TOP1: variants seen among roughly 807,000 people sequenced by gnomAD.
TOP1 encodes DNA topoisomerase I, also known as DNA topoisomerase 1.
A neutral mutation model predicts 111.1 loss-of-function variants in TOP1; 10 were observed. That is an observed-to-expected ratio of 0.09 (90% CI 0.06 to 0.15). TOP1 has a LOEUF of 0.15. TOP1 is among the 10% of genes least tolerant of loss of function. The pLI, the probability that TOP1 is intolerant of heterozygous loss-of-function variation, is 1.00. For synonymous variants in TOP1, 271 were observed against 302.9 expected (o/e 0.89, Z 1.10); for missense variants, 474 against 926.7 (o/e 0.51, Z 6.34).
intron 13 of TOP1, among the ~76,000 whole-genome samples, chr20:41,105,975 TCCC>T (rs2034139466): frequency 2.7e-5 from 2 of 72,750 alleles, no homozygotes; most frequent in South Asian, 5.4e-4. Context: ...CTCCCTCCCC[TCCC>T]ACCCCCACCC....
chr20:41,036,519 G>C (rs922847730), intron 2 of TOP1, among the ~76,000 whole-genome samples: 1 of 152,200 alleles, frequency 6.6e-6, no homozygotes, highest in Non-Finnish European at 1.5e-5. Flanking sequence ...TGTCCTCATT[G>C]TAAAATGTAA....
intron 11 of TOP1, among the ~76,000 whole-genome samples, chr20:41,099,420 C>A (rs565915233): frequency 6.6e-6 from 1 of 152,292 alleles, no homozygotes; most frequent in South Asian, 2.1e-4. Flanking sequence ...GCCAAGGACA[C>A]CTGCTGCCAG....
In TOP1 at chr20:41,098,198, C is replaced by A. The variant is rs556910157; in HGVS notation, c.853-17C>A. 38 of 1,613,190 alleles carry A rather than the reference C, an allele frequency of 2.4e-5. No individual in the cohort carries two copies. The East Asian group carries it at 7.8e-4, about 33-fold the overall frequency. ...TTTCGTTGTTTTTCTTTCATCTCCCCATTTTCTTTTGACTAGGAAATGACT... is the reference window on the plus strand; with the variant it reads ...TTTCGTTGTTTTTCTTTCATCTCCCAATTTTCTTTTGACTAGGAAATGACT... On this transcript the variant is annotated splice_polypyrimidine_tract_variant and intron_variant, in intron 10 of 20. Coordinates refer to ENST00000361337, the MANE Select transcript of TOP1 (RefSeq NM_003286.4). The surrounding 1 kb of genome is among the most constrained non-coding windows in gnomAD (Gnocchi z 5.7).
intron 2 of TOP1, among the ~76,000 whole-genome samples, chr20:41,045,522 T>C (rs2033323173): frequency 6.6e-6 from 1 of 152,182 alleles, no homozygotes; most frequent in South Asian, 2.1e-4. Context: ...ATGAAGTAAG[T>C]TCTCATTTTA....
chr20:41,094,846 G>GT lies in TOP1; in HGVS notation c.730+2262dup, dbSNP rs1164400756. Among the ~76,000 whole-genome samples the GT allele has an allele frequency of 6.8e-6, 1 of 146,816 alleles. No individual in the cohort carries two copies. Among genetic ancestry groups the GT allele is most frequent in the Non-Finnish European group, 1.5e-5 (1 of 65,368 alleles). The stretch of plus-strand genomic sequence containing the variant: ...TTCAGTTTACAGCTTTGATTCAGCA[G>GT]TTTCCTTTTCCTGGAGCTCAGCCTT... On this transcript the variant is annotated intron_variant, in intron 9 of 20. Transcript: ENST00000361337. The surrounding 1 kb of genome is among the most constrained non-coding windows in gnomAD (Gnocchi z 4.4).
rs76942734 is a variant in TOP1, at chr20:41,122,459, CT to C, written c.2195+306del. On this transcript the variant is annotated intron_variant, in intron 20 of 20. Coordinates refer to ENST00000361337, the MANE Select transcript of TOP1 (RefSeq NM_003286.4). This position sits in a 1 kb window ranked among gnomAD's most constrained non-coding sequence, Gnocchi z 5.4. Reference sequence around the variant, plus strand: ...TTAGGACAGGAATGGAAACTCTTAGCTTCTGGAAGAATAGGAAAGAGCCCAT... The same window carrying C: ...TTAGGACAGGAATGGAAACTCTTAGCTCTGGAAGAATAGGAAAGAGCCCAT... 0.047 allele frequency among the ~76,000 whole-genome samples: 7,167 copies of C among 152,260 alleles called. 718 individuals carry two copies. The highest frequency in any genetic ancestry group is 0.46 in the East Asian group (2,368 of 5,172).
rs1012644652 is a variant in TOP1 at position 41,040,669 on chromosome 20, G to C, written c.58+11214G>C. 2.6e-5 allele frequency among the ~76,000 whole-genome samples: 4 copies of C among 152,086 alleles called. No individual in the cohort carries two copies. The East Asian group carries it at 5.8e-4, about 22-fold the overall frequency. On this transcript the variant is annotated intron_variant, in intron 2 of 20. Transcript: ENST00000361337. ...AAAATACAAAAGATTAGCTGGGCCT[G>C]GTGGCGCATGCCTGTAGTCCTAGAT...
intron 13 of TOP1, among the ~76,000 whole-genome samples, chr20:41,105,544 C>T (rs2034132261): frequency 1.3e-5 from 2 of 152,232 alleles, no homozygotes; most frequent in Admixed American, 6.5e-5. Flanking sequence ...GTCACCCAGG[C>T]TGGAGTACAG....
chr20:41,113,616 G>A lies in TOP1; in HGVS notation c.1453-354G>A, dbSNP rs562563839. Among the ~76,000 whole-genome samples, 15 of 151,204 alleles carry A rather than the reference G, an allele frequency of 9.9e-5. No homozygotes were observed. In the South Asian group the frequency reaches 2.7e-3, roughly 27 times the overall value. On this transcript the variant is annotated intron_variant, in intron 14 of 20. Transcript: ENST00000361337. ...CAAAAGGCTGGGCGCAGTGGCTCAC[G>A]CCTGTAATCCCAGCACTTTGGGAGG...
At chr20:41,045,089 A>G (rs1187283573) in intron 2 of TOP1, among the ~76,000 whole-genome samples, 5 of 152,202 alleles carry the variant, frequency 3.3e-5, no homozygotes, top group African/African-American at 4.8e-5. Flanking sequence ...CACCTGGCCT[A>G]TATGAGGTTT....
Position 41,102,300 on chromosome 20 carries a change from T to C in TOP1, c.1308+947T>C, listed in dbSNP as rs750676022. Among the ~76,000 whole-genome samples the C allele has an allele frequency of 6.6e-6, 1 of 152,218 alleles. No individual in the cohort carries two copies. The highest frequency in any genetic ancestry group is 1.5e-5 in the Non-Finnish European group (1 of 68,030). On this transcript the variant is annotated intron_variant, in intron 13 of 20. Coordinates refer to ENST00000361337, the MANE Select transcript of TOP1 (RefSeq NM_003286.4). The surrounding 1 kb of genome is among the most constrained non-coding windows in gnomAD (Gnocchi z 4.0). ...TAATGAAAAATACCTGTTTATATAT[T>C]TTCTCCAATTATAAAATATACTTTT...
intron 2 of TOP1, among the ~76,000 whole-genome samples, chr20:41,043,960 C>G (rs1487973272): frequency 6.6e-6 from 1 of 152,154 alleles, no homozygotes; most frequent in Non-Finnish European, 1.5e-5. Flanking sequence ...GAAAATGTGA[C>G]TTGTTATAGA....
In TOP1 at chr20:41,076,307, C is replaced by T. The variant is rs542582954; in HGVS notation, c.279+13C>T. The T allele has an allele frequency of 5.0e-6, 8 of 1,595,634 alleles. No homozygotes were observed. In the African/African-American group the frequency reaches 5.4e-5, roughly 11 times the overall value. On this transcript the variant is annotated intron_variant, in intron 4 of 20. Coordinates refer to ENST00000361337, the MANE Select transcript of TOP1 (RefSeq NM_003286.4). ...AAAAGAGGAAAAGGTACAGAGTTTT[C>T]TAGTAGGGGAGGAAGGAACGTGGAT...
chr20:41,090,579 T>G (rs182497809), intron 8 of TOP1, among the ~76,000 whole-genome samples: 1 of 152,172 alleles, frequency 6.6e-6, no homozygotes, highest in Non-Finnish European at 1.5e-5. Context: ...CTCGGCTCAC[T>G]GCAACCTTCA....
At chr20:41,107,422 C>T (rs1465670849) in intron 13 of TOP1, among the ~76,000 whole-genome samples, 2 of 152,020 alleles carry the variant, frequency 1.3e-5, no homozygotes, top group African/African-American at 2.4e-5. Flanking sequence ...TTTTTAAGTT[C>T]AGGGGAATAT....
chr20:41,115,491 A>G lies in TOP1; in HGVS notation c.1707+52A>G, dbSNP rs751551772. The G allele has an allele frequency of 7.2e-7, 1 of 1,396,414 alleles. No homozygotes were observed. The highest frequency in any genetic ancestry group is 1.0e-6 in the Non-Finnish European group (1 of 982,788). The allele number at this position is 1,396,414 out of a possible 1,614,324, so 86.5% of individuals were successfully genotyped here. The stretch of plus-strand genomic sequence containing the variant: ...AAGGGAGTCCCAGCCAGAGCCTCAC[A>G]GTACCTAAAGGGGAGGGTTGCTGGC... On this transcript the variant is annotated intron_variant, in intron 16 of 20. Transcript: ENST00000361337. This position sits in a 1 kb window ranked among gnomAD's most constrained non-coding sequence, Gnocchi z 6.3.
In TOP1 at chr20:41,092,670, A is replaced by G. The variant is rs559681422; in HGVS notation, c.730+83A>G. ...GGGATAGAAAACAAGGAAGGATCCT[A>G]TGTAATAGATAATCCTTTTTATTTC... is the stretch of plus-strand genomic sequence containing the variant. On this transcript the variant is annotated intron_variant, in intron 9 of 20. Transcript: ENST00000361337. This position sits in a 1 kb window ranked among gnomAD's most constrained non-coding sequence, Gnocchi z 4.3. 3 of 672,462 alleles carry G rather than the reference A, an allele frequency of 4.5e-6. No homozygotes were observed. The highest frequency in any genetic ancestry group is 1.8e-5 in the African/African-American group (1 of 54,528). 41.7% of individuals were successfully genotyped at this position (672,462 alleles called of 1,614,324 possible).
chr20:41,038,992 CAA>C (rs879288677), intron 2 of TOP1, among the ~76,000 whole-genome samples: 6 of 125,698 alleles, frequency 4.8e-5, no homozygotes, highest in Admixed American at 1.6e-4. Context: ...GACCCTGTCT[CAA>C]AAAAAAAAAA....
chr20:41,032,071 T>C lies in TOP1; in HGVS notation c.58+2616T>C, dbSNP rs537465826. Among the ~76,000 whole-genome samples the C allele has an allele frequency of 2.0e-5, 3 of 152,344 alleles. No homozygotes were observed. Among genetic ancestry groups the C allele is most frequent in the Non-Finnish European group, 2.9e-5 (2 of 68,024 alleles). ...AAACTTTAAAAAAAGTAGAAATCAA[T>C]GTTTAATTATGCCCAGACATGTCAT... is the stretch of plus-strand genomic sequence containing the variant. On this transcript the variant is annotated intron_variant, in intron 2 of 20. Transcript: ENST00000361337. The surrounding 1 kb of genome is among the most constrained non-coding windows in gnomAD (Gnocchi z 4.3).
Sources: gnomAD v4.1 joint callset for allele counts (sites outside exome capture counted in the v4.1 genomes callset) on GRCh38, gnomAD v4.1.1 for gene constraint, Gnocchi (gnomAD v3.1) non-coding constraint, MANE v1.5 for transcripts, NCBI Gene and HGNC (gene_info 2026-07-23, HGNC 2026-07-21) for gene names.